Variants in ERICH3 observed in about 807,000 individuals in gnomAD.
The protein encoded by ERICH3 is glutamate-rich protein 3.
In ERICH3, 126 loss-of-function variants were observed where a neutral mutation model predicts 131.1. That is an observed-to-expected ratio of 0.96 (90% confidence interval 0.83 to 1.11). The LOEUF is 1.11. Among genes scored for constraint, ERICH3 ranks in the 50% most tolerant of loss-of-function variants. ERICH3 has a pLI of 0.00. For synonymous variants in ERICH3, 695 were observed against 644.6 expected (o/e 1.08, Z -1.18); for missense variants, 2,050 against 1,810.7 (o/e 1.13, Z -2.40).
At chr1:74,599,232 T>C (rs1036942895) in intron 11 of ERICH3, among the ~76,000 whole-genome samples, 2 of 151,988 alleles carry the variant, frequency 1.3e-5, no homozygotes, top group Non-Finnish European at 2.9e-5. Flanking sequence ...GTCGTAAATG[T>C]CCTTTTTAAG....
chr1:74,571,192 G>A lies in ERICH3; in HGVS notation c.4518C>T (p.Thr1506=), dbSNP rs200806054. ...TLPVKPDFTE[T]REKQQHMVQG... is the part of the protein sequence containing the mutation. ...GCACCATATGCTGTTGCTTCTCTCG[G>A]GTTTCAGTGAAATCAGGCTTCACTG... is the stretch of plus-strand genomic sequence containing the variant. Residue 1506 remains threonine (T), a synonymous_variant, in exon 14 of 15, where the codon ACC becomes ACT. Transcript: ENST00000326665. The A allele has an allele frequency of 2.5e-6, 4 of 1,614,052 alleles. No individual in the cohort carries two copies. In the East Asian group the frequency reaches 8.9e-5, roughly 36 times the overall value.
intron 1 of ERICH3, among the ~76,000 whole-genome samples, chr1:74,668,739 G>GA (rs1417167122): frequency 6.6e-6 from 1 of 152,042 alleles, no homozygotes; most frequent in Non-Finnish European, 1.5e-5. Context: ...CTTTACAGTG[G>GA]AAGCCACAAC....
chr1:74,646,651 A>G lies in ERICH3; in HGVS notation c.243+16T>C. 1 of 1,187,234 alleles carries G rather than the reference A, an allele frequency of 8.4e-7. No homozygotes were observed. The highest frequency in any genetic ancestry group is 1.1e-6 in the Non-Finnish European group (1 of 882,526). 73.5% of individuals were successfully genotyped at this position (1,187,234 alleles called of 1,614,324 possible). A position where few individuals can be genotyped will look rare whatever the true frequency, so the allele number is the denominator to read the frequency against. ...AAAAAAATAAAATAAAATAAAAAAT[A>G]AGTATATATTTTTACCTCCATATCA... is the stretch of plus-strand genomic sequence containing the variant. On this transcript the variant is annotated intron_variant, in intron 3 of 14. Transcript: ENST00000326665.
At chr1:74,653,904 C>A (rs531747764) in intron 1 of ERICH3, among the ~76,000 whole-genome samples, 2 of 152,262 alleles carry the variant, frequency 1.3e-5, no homozygotes, top group South Asian at 4.1e-4. Flanking sequence ...TCAATTCTGG[C>A]TCCACCATTA....
chr1:74,590,103 C>A, intron 11 of ERICH3, 23 bp from the exon 12 acceptor site: 3 of 1,525,514 alleles, frequency 2.0e-6, no homozygotes, highest in Non-Finnish European at 2.7e-6. Context: ...AAAGTGATGA[C>A]ATTGTTGTTG....
chr1:74,672,068 T>C (rs186263388), intron 1 of ERICH3, among the ~76,000 whole-genome samples: 3 of 152,354 alleles, frequency 2.0e-5, no homozygotes, highest in Admixed American at 6.5e-5. Flanking sequence ...GAAATCTTAA[T>C]CATGCACAGT....
chr1:74,568,182 T>C lies in ERICH3; in HGVS notation c.*2276A>G, dbSNP rs1441762132. 1 of 152,172 alleles carries C rather than the reference T, an allele frequency of 6.6e-6. No homozygotes were observed. Among genetic ancestry groups the C allele is most frequent in the African/African-American group, 2.4e-5 (1 of 41,454 alleles). 9.4% of individuals were successfully genotyped at this position (152,172 alleles called of 1,614,324 possible). On this transcript the variant is annotated 3_prime_UTR_variant, in exon 15 of 15. Coordinates refer to ENST00000326665, the MANE Select transcript of ERICH3 (RefSeq NM_001002912.5). ...GGAAACAAACCATTTCAGGGGAACA[T>C]ACAAGTAATTTTATCAACATAGTAT...
intron 12 of ERICH3, among the ~76,000 whole-genome samples, chr1:74,581,633 C>T (rs1320239960): frequency 6.6e-6 from 1 of 152,134 alleles, no homozygotes. Flanking sequence ...AAATTCTGCT[C>T]TGTGCTGCTA....
chr1:74,646,853 CA>C, intron 2 of ERICH3, 61 bp from the exon 3 acceptor site: 7 of 814,522 alleles, frequency 8.6e-6, no homozygotes, highest in South Asian at 4.5e-5. Flanking sequence ...TGTTAGTTTC[CA>C]AAAAAGGGAG....
intron 1 of ERICH3, among the ~76,000 whole-genome samples, chr1:74,671,385 C>T (rs1022324960): frequency 3.3e-5 from 5 of 152,162 alleles, no homozygotes; most frequent in Non-Finnish European, 5.9e-5. Context: ...TTTGTACCTA[C>T]TGTCTGTTAT....
At position 74,571,404 on chromosome 1, in the gene ERICH3, C is replaced by T. The variant is rs145973902; in HGVS notation, c.4306G>A (p.Ala1436Thr). The T allele has an allele frequency of 1.7e-5, 27 of 1,613,878 alleles. No homozygotes were observed. Among genetic ancestry groups the T allele is most frequent in the Non-Finnish European group, 2.1e-5 (25 of 1,179,986 alleles). Reference protein sequence around the residue: ...TTEAGVGTPGALERKTSGLGQ... With the variant: ...TTEAGVGTPGTLERKTSGLGQ... ...AGCCCTGAGGTCTTCCGCTCCAGGGCTCCTGGAGTGCCCACCCCAGCCTCT... is the reference window on the plus strand; with the variant it reads ...AGCCCTGAGGTCTTCCGCTCCAGGGTTCCTGGAGTGCCCACCCCAGCCTCT... The change falls in exon 14 of 15, where the codon GCC becomes ACC. Residue 1436 changes from alanine to threonine, a missense_variant. By Grantham distance (58) the Ala-to-Thr change is moderately conservative. Transcript: ENST00000326665.
At chr1:74,610,815 C>A (rs1648656914) in intron 9 of ERICH3, among the ~76,000 whole-genome samples, 1 of 152,038 alleles carries the variant, frequency 6.6e-6, no homozygotes, top group Admixed American at 6.6e-5. Context: ...CACCAGTAAC[C>A]AACACAGTAC....
chr1:74,663,088 C>A (rs1374671317), intron 1 of ERICH3, among the ~76,000 whole-genome samples: 1 of 152,122 alleles, frequency 6.6e-6, no homozygotes, highest in Non-Finnish European at 1.5e-5. Flanking sequence ...TCCAATTAAC[C>A]CAACTCTGCA....
rs142977916 is a variant in ERICH3, at chr1:74,599,758, G to A, written c.1663C>T (p.Arg555Cys). The change falls in exon 11 of 15, where the codon CGT becomes TGT. Residue 555 changes from arginine to cysteine, a missense_variant. Transcript: ENST00000326665. Reference protein sequence around the residue: ...ETSSQKAPDARDNVKDENDGC... With the variant: ...ETSSQKAPDACDNVKDENDGC... ...TCATTCTCATCTTTCACATTGTCAC[G>A]GGCATCTGGTGCCTTCTGTGATGAG... The A allele has an allele frequency of 1.4e-5, 23 of 1,612,040 alleles. No individual in the cohort carries two copies. Among genetic ancestry groups the A allele is most frequent in the South Asian group, 8.8e-5 (8 of 90,972 alleles).
At chr1:74,669,652 A>T (rs1646723847) in intron 1 of ERICH3, among the ~76,000 whole-genome samples, 1 of 151,988 alleles carries the variant, frequency 6.6e-6, no homozygotes. Context: ...ACTTCTACGA[A>T]ATTATGATGC....
intron 7 of ERICH3, among the ~76,000 whole-genome samples, chr1:74,629,801 T>C (rs1649531763): frequency 6.6e-6 from 1 of 152,186 alleles, no homozygotes; most frequent in Non-Finnish European, 1.5e-5. Context: ...GTCCTTTCAT[T>C]ACAATGCTAG....
In ERICH3 at chr1:74,595,154, G is replaced by GT. The variant is rs200059639; in HGVS notation, c.1726+4540dup. Among the ~76,000 whole-genome samples, 1,394 of 152,062 alleles carry GT rather than the reference G, an allele frequency of 9.2e-3. 22 individuals are homozygous for GT. Among genetic ancestry groups the GT allele is most frequent in the African/African-American group, 0.032 (1,318 of 41,488 alleles). ...CATGAATTTATATATCCTACTATTA[G>GT]TTGTATAAATAGTTCTGTCTTAATG... On this transcript the variant is annotated intron_variant, in intron 11 of 14. Transcript: ENST00000326665.
intron 9 of ERICH3, 49 bp downstream of exon 9, chr1:74,612,573 GA>G: frequency 6.9e-7 from 1 of 1,450,072 alleles, no homozygotes; most frequent in South Asian, 1.6e-5. Flanking sequence ...GGCATTCAAA[GA>G]AAAATGTAGC....
At chr1:74,654,628 C>T (rs1646568141) in intron 1 of ERICH3, among the ~76,000 whole-genome samples, 1 of 152,070 alleles carries the variant, frequency 6.6e-6, no homozygotes, top group East Asian at 1.9e-4. Flanking sequence ...TCTTGTGTCT[C>T]TTCTTATAAG....
Sources: gnomAD v4.1 joint callset for allele counts (sites outside exome capture counted in the v4.1 genomes callset) on GRCh38, gnomAD v4.1.1 for gene constraint, MANE v1.5 for transcripts, NCBI Gene and HGNC (gene_info 2026-07-23, HGNC 2026-07-21) for gene names.